The following RDH10 variants were observed in gnomAD, a reference collection of about 807,000 sequenced individuals.
RDH10 encodes the protein retinol dehydrogenase 10.
In RDH10, 12 loss-of-function variants were observed where a neutral mutation model predicts 30.2. That is an observed-to-expected ratio of 0.40 (90% CI 0.25 to 0.64). The LOEUF is 0.64. Among genes scored for constraint, RDH10 ranks in the 30% least tolerant of loss-of-function variants. RDH10 has a pLI of 0.43. For missense variants in RDH10, 268 were observed against 445.2 expected (o/e 0.60, Z 3.58); for synonymous variants, 189 against 172.2 (o/e 1.10, Z -0.76).
chr8:73,301,790 A>C (rs1455981454), intron 2 of RDH10, among the ~76,000 whole-genome samples: 1 of 152,186 alleles, frequency 6.6e-6, no homozygotes, highest in African/African-American at 2.4e-5. Context: ...GTTGGACTAA[A>C]GCTGTGTAAG....
chr8:73,308,397 T>C (rs1814499310), intron 2 of RDH10, among the ~76,000 whole-genome samples: 1 of 152,204 alleles, frequency 6.6e-6, no homozygotes, highest in Non-Finnish European at 1.5e-5. Flanking sequence ...TCCAAGCATG[T>C]GATCTATAAA....
intron 2 of RDH10, among the ~76,000 whole-genome samples, chr8:73,317,155 T>C (rs1285552983): frequency 1.3e-5 from 2 of 152,136 alleles, no homozygotes; most frequent in Admixed American, 1.3e-4. Context: ...CAAAGCACTA[T>C]AAAACACATA....
intron 4 of RDH10, chr8:73,321,926 G>A (rs761632320): frequency 2.2e-6 from 1 of 456,246 alleles, no homozygotes; most frequent in South Asian, 1.5e-5. Flanking sequence ...CTCTAGCTCT[G>A]CCTCTTATCC....
intron 2 of RDH10, among the ~76,000 whole-genome samples, chr8:73,299,937 G>T (rs1814345936): frequency 6.6e-6 from 1 of 152,190 alleles, no homozygotes. Flanking sequence ...TAAGGAGGAA[G>T]TCAAATCAAA....
intron 3 of RDH10, 128 bp downstream of exon 3, chr8:73,319,322 G>A (rs1814725835): frequency 3.1e-6 from 2 of 637,446 alleles, no homozygotes; most frequent in South Asian, 4.1e-5. Context: ...CTGCATGTGT[G>A]CTGCATGTAG....
chr8:73,294,847 C>G lies in RDH10; in HGVS notation c.-443C>G. On this transcript the variant is annotated 5_prime_UTR_variant, in exon 1 of 6. Transcript: ENST00000240285. ...CAACTCCCGCGGCAGCCCGCTGGCC[C>G]GTGCCGCCTCCGCTGCGCACCCCTC... is the stretch of plus-strand genomic sequence containing the variant. The G allele has an allele frequency of 2.6e-6, 1 of 388,648 alleles. No homozygotes were observed. Among genetic ancestry groups the G allele is most frequent in the Non-Finnish European group, 4.6e-6 (1 of 219,436 alleles). The allele number at this position is 388,648 out of a possible 1,614,324, so 24.1% of individuals were successfully genotyped here.
At chr8:73,312,646 T>C (rs1814586711) in intron 2 of RDH10, 1 of 152,230 alleles carries the variant, frequency 6.6e-6, no homozygotes, top group Admixed American at 6.5e-5. Context: ...AAGGGTGCCG[T>C]AAGCATTTCC....
At chr8:73,318,647 C>G (rs1030356192) in intron 2 of RDH10, among the ~76,000 whole-genome samples, 1 of 152,242 alleles carries the variant, frequency 6.6e-6, no homozygotes, top group Non-Finnish European at 1.5e-5. Context: ...TCTATTACTA[C>G]GTAGACATCG....
Position 73,295,499 on chromosome 8 carries a change from G to T in RDH10, c.210G>T (p.Thr70=), listed in dbSNP as rs140772051. Residue 70 remains threonine (T), a synonymous_variant, in exon 1 of 6, where the codon ACG becomes ACT. Coordinates refer to ENST00000240285, the MANE Select transcript of RDH10 (RefSeq NM_172037.5). The part of the protein sequence containing the change: ...RALLVLWDIN[T]QSNEETAGMV... ...TGCTGGTGCTGTGGGACATCAACAC[G>T]CAAAGCAACGAGGAGACGGCTGGCA... 2.0e-4 allele frequency: 314 copies of T among 1,556,060 alleles called. 1 individual carries two copies. The highest frequency in any genetic ancestry group is 7.4e-4 in the African/African-American group (54 of 73,222).
At chr8:73,320,209 G>A (rs1276897776) in intron 3 of RDH10, among the ~76,000 whole-genome samples, 1 of 152,108 alleles carries the variant, frequency 6.6e-6, no homozygotes, top group Non-Finnish European at 1.5e-5. Context: ...AAACAAACTG[G>A]TTTTTCTTTC....
At position 73,300,128 on chromosome 8, in the gene RDH10, CA is replaced by C. The variant is rs563156303; in HGVS notation, c.525+2700del. Among the ~76,000 whole-genome samples, 572 of 152,248 alleles carry C rather than the reference CA, an allele frequency of 3.8e-3. 3 individuals are homozygous for C. Among genetic ancestry groups the C allele is most frequent in the Non-Finnish European group, 6.2e-3 (422 of 68,014 alleles). Reference sequence around the variant, plus strand: ...AAATATGGGAGGCTCCTGAATTCTCCAGCTGTTTTTCCCCTAAGCATCTAAA... The same window carrying C: ...AAATATGGGAGGCTCCTGAATTCTCCGCTGTTTTTCCCCTAAGCATCTAAA... On this transcript the variant is annotated intron_variant, in intron 2 of 5. Transcript: ENST00000240285.
rs1814224752 is a variant in RDH10, at chr8:73,294,895, C to G, written c.-395C>G. On this transcript the variant is annotated 5_prime_UTR_variant, in exon 1 of 6. Transcript: ENST00000240285. The stretch of plus-strand genomic sequence containing the variant: ...CTCCCCCGGGGTGAGAGGGAGCCGG[C>G]GCGCCGGTTCCGGGGACGCTCGGGC... 2 of 393,884 alleles carry G rather than the reference C, an allele frequency of 5.1e-6. No homozygotes were observed. The highest frequency in any genetic ancestry group is 9.0e-6 in the Non-Finnish European group (2 of 222,976). 24.4% of individuals were successfully genotyped at this position (393,884 alleles called of 1,614,324 possible). A position where few individuals can be genotyped will look rare whatever the true frequency, so the allele number is the denominator to read the frequency against.
At chr8:73,316,192 AT>A (rs1011688909) in intron 2 of RDH10, among the ~76,000 whole-genome samples, 1 of 151,808 alleles carries the variant, frequency 6.6e-6, no homozygotes, top group African/African-American at 2.4e-5. Context: ...AATTTTTTGT[AT>A]TTTTTGTAGA....
intron 3 of RDH10, among the ~76,000 whole-genome samples, chr8:73,319,902 A>G (rs1274958014): frequency 2.0e-5 from 3 of 152,258 alleles, no homozygotes; most frequent in Non-Finnish European, 4.4e-5. Flanking sequence ...GTATGAGTAT[A>G]TATGTTGTTC....
chr8:73,319,208 A>T lies in RDH10; in HGVS notation c.624+14A>T, dbSNP rs376980232. The T allele has an allele frequency of 4.5e-6, 7 of 1,568,918 alleles. No homozygotes were observed. Among genetic ancestry groups the T allele is most frequent in the Non-Finnish European group, 6.1e-6 (7 of 1,140,132 alleles). On this transcript the variant is annotated intron_variant, in intron 3 of 5. Coordinates refer to ENST00000240285, the MANE Select transcript of RDH10 (RefSeq NM_172037.5). ...GCCGGAGTTGAGGTTTGTCAGATAT[A>T]TAGCATTTCTTTCGTTCAATCTGTT...
chr8:73,315,686 C>A, intron 2 of RDH10: 1 of 420,014 alleles, frequency 2.4e-6, no homozygotes, highest in Non-Finnish European at 4.9e-6. Context: ...CTAGTCAGAG[C>A]CAGCCGCTGG....
intron 1 of RDH10, 23 bp from the exon 2 acceptor site, chr8:73,297,171 C>T (rs1185864587): frequency 7.1e-7 from 1 of 1,405,644 alleles, no homozygotes. Flanking sequence ...ATGTTTTCTC[C>T]TCATCTGGAC....
At chr8:73,302,657 C>T (rs1410397441) in intron 2 of RDH10, among the ~76,000 whole-genome samples, 1 of 152,152 alleles carries the variant, frequency 6.6e-6, no homozygotes, top group African/African-American at 2.4e-5. Flanking sequence ...TGCACTCCAG[C>T]TTGGGTGACG....
At chr8:73,317,916 TC>T (rs1186985877) in intron 2 of RDH10, among the ~76,000 whole-genome samples, 1 of 96,876 alleles carries the variant, frequency 1.0e-5, no homozygotes, top group Admixed American at 1.1e-4. Flanking sequence ...CAAAACCCTG[TC>T]CCCCACCCCC....
Sources: gnomAD v4.1 joint callset for allele counts (sites outside exome capture counted in the v4.1 genomes callset) on GRCh38, gnomAD v4.1.1 for gene constraint, MANE v1.5 for transcripts, NCBI Gene and HGNC (gene_info 2026-07-23, HGNC 2026-07-21) for gene names.